Variants in OLA1 observed in about 807,000 individuals in gnomAD.
The protein encoded by OLA1 is Obg like ATPase 1.
A neutral mutation model predicts 48.4 loss-of-function variants in OLA1; 14 were observed. That is an observed-to-expected ratio of 0.29 (90% CI 0.19 to 0.45). The LOEUF is 0.45. Ranked by LOEUF, OLA1 falls within the 20% of genes least tolerant of loss-of-function variation. The pLI, the probability that OLA1 is intolerant of heterozygous loss-of-function variation, is 1.00. For synonymous variants in OLA1, 127 were observed against 150.4 expected (o/e 0.84, Z 1.14); for missense variants, 325 against 467.1 (o/e 0.70, Z 2.80).
At chr2:174,245,009 A>G (rs1689096148) in intron 2 of OLA1, among the ~76,000 whole-genome samples, 1 of 152,218 alleles carries the variant, frequency 6.6e-6, no homozygotes, top group African/African-American at 2.4e-5. Context: ...AGGGTTGCCT[A>G]TATGTACAGA....
intron 4 of OLA1, among the ~76,000 whole-genome samples, chr2:174,189,475 C>T (rs1054784452): frequency 6.6e-6 from 1 of 151,980 alleles, no homozygotes; most frequent in African/African-American, 2.4e-5. Context: ...CAATAAGGGA[C>T]AAGCAACTTG....
intron 4 of OLA1, among the ~76,000 whole-genome samples, chr2:174,211,180 A>AACACACACACACACAC (rs10563036): frequency 3.4e-5 from 5 of 148,666 alleles, no homozygotes; most frequent in Admixed American, 6.7e-5. Flanking sequence ...TCCTCCCCAC[A>AACACACACACACACAC]ACACACACAC....
Position 174,137,142 on chromosome 2 carries a change from A to G in OLA1, c.549+4683T>C, listed in dbSNP as rs138660596. Among the ~76,000 whole-genome samples, 794 of 152,344 alleles carry G rather than the reference A, an allele frequency of 5.2e-3. 5 individuals are homozygous for G. The highest frequency in any genetic ancestry group is 0.018 in the African/African-American group (766 of 41,582). Reference sequence around the variant, plus strand: ...TATTCCTTGATCTATGGGTTGCAGAATGGATGTTGTCTTAGCAGGCATGAA... The same window carrying G: ...TATTCCTTGATCTATGGGTTGCAGAGTGGATGTTGTCTTAGCAGGCATGAA... On this transcript the variant is annotated intron_variant, in intron 5 of 10. Coordinates refer to ENST00000284719, the MANE Select transcript of OLA1 (RefSeq NM_013341.5).
intron 4 of OLA1, among the ~76,000 whole-genome samples, chr2:174,146,763 T>C (rs1443114657): frequency 6.6e-6 from 1 of 152,186 alleles, no homozygotes; most frequent in Non-Finnish European, 1.5e-5. Context: ...ACAGATAAAA[T>C]TTCTTATAAC....
chr2:174,156,253 G>T (rs1427843380), intron 4 of OLA1, among the ~76,000 whole-genome samples: 4 of 152,078 alleles, frequency 2.6e-5, no homozygotes, highest in Non-Finnish European at 5.9e-5. Flanking sequence ...ATTGTAGGAT[G>T]TTTAATGGCA....
chr2:174,086,482 T>C (rs978529631), intron 7 of OLA1, among the ~76,000 whole-genome samples: 3 of 152,222 alleles, frequency 2.0e-5, no homozygotes, highest in African/African-American at 7.2e-5. Flanking sequence ...ATATATACTA[T>C]GTTTTTTCCT....
Position 174,166,833 on chromosome 2 carries a change from A to G in OLA1, c.374-24833T>C, listed in dbSNP as rs960458011. ...CTACTACTCCACCTTATGGCCCCAAATTACCCTGCTAAAAGATTGTATTAA... is the reference window on the plus strand; with the variant it reads ...CTACTACTCCACCTTATGGCCCCAAGTTACCCTGCTAAAAGATTGTATTAA... On this transcript the variant is annotated intron_variant, in intron 4 of 10. Transcript: ENST00000284719. 1.3e-4 allele frequency among the ~76,000 whole-genome samples: 20 copies of G among 152,164 alleles called. 1 individual carries two copies. Among genetic ancestry groups the G allele is most frequent in the Admixed American group, 3.3e-4 (5 of 15,272 alleles).
chr2:174,116,821 T>C (rs1220009611), intron 7 of OLA1, among the ~76,000 whole-genome samples: 3 of 152,130 alleles, frequency 2.0e-5, no homozygotes, highest in African/African-American at 7.2e-5. Flanking sequence ...CCCCAACACA[T>C]ACATACATAC....
At position 174,075,266 on chromosome 2, in the gene OLA1, G is replaced by A. The variant is rs1344443300; in HGVS notation, c.*160C>T. The A allele has an allele frequency of 2.1e-5, 10 of 484,438 alleles. No individual in the cohort carries two copies. The highest frequency in any genetic ancestry group is 1.6e-4 in the South Asian group (7 of 43,240). The allele number at this position is 484,438 out of a possible 1,614,324, so 30.0% of individuals were successfully genotyped here. A position where few individuals can be genotyped will look rare whatever the true frequency, so the allele number is the denominator to read the frequency against. ...ACCTGCATTTCATGGGGGGGGGGGG[G>A]TACACAGTATTTTAATTTTAAAACA... On this transcript the variant is annotated 3_prime_UTR_variant, in exon 11 of 11. Transcript: ENST00000284719.
At chr2:174,137,597 A>C (rs749184053) in intron 5 of OLA1, among the ~76,000 whole-genome samples, 51 of 152,320 alleles carry the variant, frequency 3.3e-4, no homozygotes, top group Non-Finnish European at 3.4e-4. Flanking sequence ...GTCTTCATCA[A>C]TGATCTTAGT....
intron 4 of OLA1, among the ~76,000 whole-genome samples, chr2:174,143,620 A>G (rs748640515): frequency 4.6e-5 from 7 of 152,218 alleles, no homozygotes; most frequent in Non-Finnish European, 1.0e-4. Context: ...ATGCATTAGC[A>G]GGTTTTAAAT....
intron 4 of OLA1, among the ~76,000 whole-genome samples, chr2:174,186,318 A>T (rs1463740077): frequency 2.6e-5 from 4 of 152,242 alleles, no homozygotes; most frequent in African/African-American, 9.6e-5. Flanking sequence ...TAAGCTTGAC[A>T]AGATAAGGTT....
chr2:174,129,505 T>C (rs752974299), intron 5 of OLA1, among the ~76,000 whole-genome samples: 8 of 142,754 alleles, frequency 5.6e-5, no homozygotes, highest in Non-Finnish European at 1.1e-4. Context: ...ATAAATAATA[T>C]TTATGGCAGA....
At chr2:174,139,568 T>C (rs1160781475) in intron 5 of OLA1, among the ~76,000 whole-genome samples, 2 of 152,164 alleles carry the variant, frequency 1.3e-5, no homozygotes, top group African/African-American at 4.8e-5. Flanking sequence ...CAAGACTCAC[T>C]ATAGAAGGTG....
rs188717036 is a variant in OLA1, at chr2:174,179,454, C to A, written c.374-37454G>T. Among the ~76,000 whole-genome samples, 36 of 151,824 alleles carry A rather than the reference C, an allele frequency of 2.4e-4. No individual in the cohort carries two copies. In the East Asian group the frequency reaches 6.4e-3, roughly 27 times the overall value. ...TAGACTAAAGGCTTATTTATGGGAA[C>A]CTTATATTAACTTAGGAATACTTCT... On this transcript the variant is annotated intron_variant, in intron 4 of 10. Transcript: ENST00000284719.
At position 174,204,304 on chromosome 2, in the gene OLA1, C is replaced by T. The variant is rs182461980; in HGVS notation, c.373+18729G>A. Among the ~76,000 whole-genome samples the T allele has an allele frequency of 9.3e-3, 1,417 of 151,826 alleles. 19 individuals carry two copies. Among genetic ancestry groups the T allele is most frequent in the Middle Eastern group, 0.017 (5 of 294 alleles). ...TAGTCCCAGCTACTCGGGAGGCTGA[C>T]GCAGGAGAATGGCATGAACCCAGGA... On this transcript the variant is annotated intron_variant, in intron 4 of 10. Coordinates refer to ENST00000284719, the MANE Select transcript of OLA1 (RefSeq NM_013341.5).
chr2:174,075,585 T>C, intron 10 of OLA1, 58 bp from the exon 11 acceptor site: 1 of 1,013,234 alleles, frequency 9.9e-7, no homozygotes, highest in Non-Finnish European at 1.5e-6. Flanking sequence ...ATACATGGGG[T>C]AAATGGTGGC....
intron 7 of OLA1, among the ~76,000 whole-genome samples, chr2:174,114,875 A>G (rs943198238): frequency 1.3e-5 from 2 of 152,144 alleles, no homozygotes; most frequent in African/African-American, 4.8e-5. Context: ...CACACCTGTA[A>G]TCTCAGCACT....
Position 174,231,884 on chromosome 2 carries a change from C to T in OLA1, c.102-2433G>A, listed in dbSNP as rs148390725. Among the ~76,000 whole-genome samples, 913 of 152,204 alleles carry T rather than the reference C, an allele frequency of 6.0e-3. 10 individuals carry two copies. In the Middle Eastern group the frequency reaches 0.061, roughly 10 times the overall value. ...TTCAAATCTATTAAGAAAAGCCTCG[C>T]GAAAGCAAAGAATTTGAAAGTTTTG... On this transcript the variant is annotated intron_variant, in intron 2 of 10. Transcript: ENST00000284719.
Sources: gnomAD v4.1 joint callset for allele counts (sites outside exome capture counted in the v4.1 genomes callset) on GRCh38, gnomAD v4.1.1 for gene constraint, MANE v1.5 for transcripts, NCBI Gene and HGNC (gene_info 2026-07-23, HGNC 2026-07-21) for gene names.